OR1J2: variants seen among roughly 807,000 people sequenced by gnomAD.
OR1J2 encodes the protein olfactory receptor 1J2.
For synonymous variants in OR1J2, 142 were observed against 99.7 expected (o/e 1.42, Z -2.52); for missense variants, 304 against 246.1 (o/e 1.24, Z -1.57).
chr9:122,495,640 C>T, the OR1J2 span, among the ~76,000 whole-genome samples: 1 of 151,994 alleles, frequency 6.6e-6, no homozygotes, highest in Non-Finnish European at 1.5e-5. Context: ...TTCTCTGATG[C>T]CTCCTTGATT....
chr9:122,575,376 G>C, the OR1J2 span, among the ~76,000 whole-genome samples: 9 of 152,070 alleles, frequency 5.9e-5, no homozygotes, highest in Admixed American at 2.0e-4. Context: ...TATAGATACA[G>C]TTCTATCAAT....
At chr9:122,492,037 A>C in the OR1J2 span, among the ~76,000 whole-genome samples, 1 of 152,166 alleles carries the variant, frequency 6.6e-6, no homozygotes, top group South Asian at 2.1e-4. Context: ...CAGGGGGTAC[A>C]TGTGCAAATG....
At chr9:122,532,693 G>T in the OR1J2 span, among the ~76,000 whole-genome samples, 7 of 151,886 alleles carry the variant, frequency 4.6e-5, no homozygotes, top group African/African-American at 7.3e-5. Flanking sequence ...GATTTTAAGG[G>T]CCTCTAAAAG....
At chr9:122,503,691 C>CT in the OR1J2 span, among the ~76,000 whole-genome samples, 1 of 152,214 alleles carries the variant, frequency 6.6e-6, no homozygotes, top group African/African-American at 2.4e-5. Flanking sequence ...CAAAAATACT[C>CT]TATCTCTGAA....
chr9:122,556,798 G>A, the OR1J2 span, among the ~76,000 whole-genome samples: 1 of 152,126 alleles, frequency 6.6e-6, no homozygotes, highest in East Asian at 1.9e-4. Flanking sequence ...TAACTTGCTG[G>A]GGTTTTGATT....
chr9:122,572,928 G>A, the OR1J2 span: 1 of 152,198 alleles, frequency 6.6e-6, no homozygotes, highest in Non-Finnish European at 1.5e-5. Flanking sequence ...AAGGAGGGAA[G>A]AACTGAAACA....
the OR1J2 span, among the ~76,000 whole-genome samples, chr9:122,455,199 T>C: frequency 7.9e-5 from 12 of 152,338 alleles, 1 homozygote; most frequent in South Asian, 2.1e-3. Flanking sequence ...AAGTTTTTGT[T>C]TGAATACCTA....
At chr9:122,525,689 T>G in the OR1J2 span, among the ~76,000 whole-genome samples, 89,553 of 151,974 alleles carry the variant, frequency 0.59, 28,181 homozygotes, top group East Asian at 0.87. Context: ...GGGGCAGAGG[T>G]AGCACAAGGA....
At chr9:122,477,067 G>A in the OR1J2 span, 4 of 1,614,008 alleles carry the variant, frequency 2.5e-6, no homozygotes, top group South Asian at 3.3e-5. Context: ...GTAAATGAAT[G>A]GGTTCAACAT....
chr9:122,449,591 G>C, the OR1J2 span, among the ~76,000 whole-genome samples: 6 of 152,052 alleles, frequency 3.9e-5, no homozygotes, highest in African/African-American at 7.2e-5. Flanking sequence ...GGATGGTCTC[G>C]ATCTCCTGAC....
At chr9:122,482,789 A>G in the OR1J2 span, among the ~76,000 whole-genome samples, 3 of 152,122 alleles carry the variant, frequency 2.0e-5, no homozygotes, top group Non-Finnish European at 2.9e-5. Flanking sequence ...GATCTCACTC[A>G]TATGTGGAAT....
the OR1J2 span, among the ~76,000 whole-genome samples, chr9:122,492,828 T>C: frequency 6.6e-6 from 1 of 152,190 alleles, no homozygotes; most frequent in Non-Finnish European, 1.5e-5. Context: ...CCCTTCAGTA[T>C]AATGTTGGCT....
the OR1J2 span, among the ~76,000 whole-genome samples, chr9:122,536,224 C>T: frequency 6.6e-6 from 1 of 152,100 alleles, no homozygotes; most frequent in African/African-American, 2.4e-5. Context: ...TTGCTGCCCC[C>T]TTACAACAAG....
the OR1J2 span, among the ~76,000 whole-genome samples, chr9:122,539,944 C>T: frequency 1.3e-5 from 2 of 152,104 alleles, no homozygotes; most frequent in East Asian, 3.9e-4. Context: ...TATCCTTCAC[C>T]CACTTTTTGA....
the OR1J2 span, among the ~76,000 whole-genome samples, chr9:122,564,403 T>TG: frequency 2.0e-5 from 3 of 151,590 alleles, no homozygotes; most frequent in South Asian, 2.1e-4. Context: ...ACTTGTGGAG[T>TG]GGGGGGGTAT....
At chr9:122,494,516 G>C in the OR1J2 span, among the ~76,000 whole-genome samples, 1 of 151,868 alleles carries the variant, frequency 6.6e-6, no homozygotes, top group Admixed American at 6.6e-5. Context: ...GCTTGTTTTT[G>C]GTGTCCATTT....
At chr9:122,453,349 C>G in the OR1J2 span, among the ~76,000 whole-genome samples, 1 of 152,182 alleles carries the variant, frequency 6.6e-6, no homozygotes, top group South Asian at 2.1e-4. Context: ...GAGAACTCCC[C>G]CTAGTGACCA....
chr9:122,526,471 T>A, the OR1J2 span: 1 of 1,566,210 alleles, frequency 6.4e-7, no homozygotes, highest in Non-Finnish European at 8.6e-7. Flanking sequence ...ATGGTGTACA[T>A]TGCAGCTGCT....
chr9:122,483,667 A>G, the OR1J2 span, among the ~76,000 whole-genome samples: 1 of 152,230 alleles, frequency 6.6e-6, no homozygotes, highest in Non-Finnish European at 1.5e-5. Context: ...TGTGGGATGC[A>G]CCTTTGGCTG....
Sources: allele counts gnomAD v4.1 joint callset (sites outside exome capture counted in the v4.1 genomes callset), GRCh38; gene constraint gnomAD v4.1.1; transcripts MANE v1.5; gene names NCBI Gene and HGNC (gene_info 2026-07-23, HGNC 2026-07-21).